Variants in SDK1 observed in about 807,000 individuals in gnomAD.
SDK1 encodes the protein protein sidekick-1.
A neutral mutation model predicts 245.5 loss-of-function variants in SDK1; 157 were observed. That is an observed-to-expected ratio of 0.64 (90% confidence interval 0.56 to 0.73). SDK1 has a LOEUF of 0.73. SDK1 is among the 30% of genes least tolerant of loss of function. The pLI is 0.00. For missense variants in SDK1, 3,583 were observed against 3,002.3 expected (o/e 1.19, Z -4.52); for synonymous variants, 1,647 against 1,278.5 (o/e 1.29, Z -6.15).
At chr7:3,679,954 A>C (rs2114982185) in intron 4 of SDK1, among the ~76,000 whole-genome samples, 1 of 152,334 alleles carries the variant, frequency 6.6e-6, no homozygotes, top group South Asian at 2.1e-4. Context: ...ATGCACACGC[A>C]AATGTTCACA....
intron 4 of SDK1, among the ~76,000 whole-genome samples, chr7:3,690,583 T>G (rs940354998): frequency 6.6e-6 from 1 of 152,130 alleles, no homozygotes; most frequent in South Asian, 2.1e-4. Flanking sequence ...CTCACTGATA[T>G]TGATTGAATT....
intron 1 of SDK1, among the ~76,000 whole-genome samples, chr7:3,415,588 A>G (rs1351521772): frequency 6.6e-6 from 1 of 151,972 alleles, no homozygotes; most frequent in Non-Finnish European, 1.5e-5. Flanking sequence ...GCCCATATAC[A>G]CACACAGAAG....
At chr7:4,151,032 G>T (rs561457014) in intron 30 of SDK1, among the ~76,000 whole-genome samples, 4 of 152,206 alleles carry the variant, frequency 2.6e-5, no homozygotes, top group Non-Finnish European at 5.9e-5. Flanking sequence ...AGGCTTGGAG[G>T]TGATAAGGCC....
intron 38 of SDK1, among the ~76,000 whole-genome samples, chr7:4,215,650 G>A (rs1784755028): frequency 6.6e-6 from 1 of 152,272 alleles, no homozygotes; most frequent in African/African-American, 2.4e-5. Flanking sequence ...CTGCCCCGCG[G>A]TACGGGAGCT....
intron 1 of SDK1, among the ~76,000 whole-genome samples, chr7:3,375,378 G>A (rs1781329143): frequency 6.6e-6 from 1 of 152,162 alleles, no homozygotes; most frequent in African/African-American, 2.4e-5. Flanking sequence ...TGTGTTCAAT[G>A]TATTTCATTT....
chr7:3,809,792 C>T (rs1389161693), intron 4 of SDK1, among the ~76,000 whole-genome samples: 1 of 152,192 alleles, frequency 6.6e-6, no homozygotes, highest in East Asian at 1.9e-4. Flanking sequence ...CCTGGTGCGC[C>T]TTTATCTGCA....
chr7:3,656,775 C>G (rs1364337967), intron 4 of SDK1, among the ~76,000 whole-genome samples: 2 of 145,818 alleles, frequency 1.4e-5, no homozygotes, highest in East Asian at 4.0e-4. Context: ...GAGTCTCGCT[C>G]TGTCGCCCAG....
Position 3,545,426 on chromosome 7 carries a change from G to C in SDK1, c.299-73654G>C, listed in dbSNP as rs73296236. ...ACTAATGTGCAGTCACTTCTAGCAT[G>C]ATGGGGATCGTGGTTTTCCTCATAG... On this transcript the variant is annotated intron_variant, in intron 1 of 44. Transcript: ENST00000404826. 8.5e-3 allele frequency among the ~76,000 whole-genome samples: 1,300 copies of C among 152,298 alleles called. 21 individuals carry two copies. The highest frequency in any genetic ancestry group is 0.029 in the African/African-American group (1,221 of 41,558).
intron 19 of SDK1, among the ~76,000 whole-genome samples, chr7:4,052,481 G>C (rs1342928951): frequency 6.6e-6 from 1 of 152,104 alleles, no homozygotes; most frequent in African/African-American, 2.4e-5. Context: ...AAAAAGTATA[G>C]AATGACAACA....
chr7:3,525,102 G>A (rs751095883), intron 1 of SDK1, among the ~76,000 whole-genome samples: 74 of 152,140 alleles, frequency 4.9e-4, no homozygotes, highest in Non-Finnish European at 3.4e-4. Flanking sequence ...ACCCAGTGAT[G>A]ATTGGAAGTG....
At chr7:3,847,000 C>T (rs1337480598) in intron 5 of SDK1, among the ~76,000 whole-genome samples, 1 of 152,164 alleles carries the variant, frequency 6.6e-6, no homozygotes, top group Non-Finnish European at 1.5e-5. Flanking sequence ...CCAGTGCCAC[C>T]CCAGTGTTCT....
intron 1 of SDK1, among the ~76,000 whole-genome samples, chr7:3,506,521 A>G (rs1204361632): frequency 6.6e-6 from 1 of 152,150 alleles, no homozygotes; most frequent in Non-Finnish European, 1.5e-5. Context: ...TGTATTTTCA[A>G]ATGCTTTACT....
chr7:3,506,155 C>G (rs1023864021), intron 1 of SDK1, among the ~76,000 whole-genome samples: 1 of 152,036 alleles, frequency 6.6e-6, no homozygotes, highest in African/African-American at 2.4e-5. Flanking sequence ...GCTTTTCTTG[C>G]AGTTCACATC....
intron 28 of SDK1, among the ~76,000 whole-genome samples, chr7:4,136,120 G>A (rs532034741): frequency 2.2e-4 from 34 of 152,280 alleles, no homozygotes; most frequent in South Asian, 4.1e-4. Context: ...CCCTCCAACC[G>A]TGCTGAACGC....
At chr7:4,176,153 T>C (rs1334336217) in intron 34 of SDK1, among the ~76,000 whole-genome samples, 1 of 152,044 alleles carries the variant, frequency 6.6e-6, no homozygotes, top group East Asian at 1.9e-4. Flanking sequence ...CTTTTTTCTT[T>C]TCTTTTCTTT....
chr7:3,858,791 A>C (rs1780611008), intron 5 of SDK1, among the ~76,000 whole-genome samples: 1 of 151,130 alleles, frequency 6.6e-6, no homozygotes, highest in South Asian at 2.1e-4. Context: ...AATGAGCAAT[A>C]GTGTTGTTTT....
chr7:3,849,322 T>C (rs528654380), intron 5 of SDK1, among the ~76,000 whole-genome samples: 56 of 152,296 alleles, frequency 3.7e-4, no homozygotes, highest in African/African-American at 1.3e-3. Flanking sequence ...CTGCCCTGCC[T>C]GCTGAGGTCT....
At chr7:3,952,660 G>A (rs1267463947) in intron 7 of SDK1, among the ~76,000 whole-genome samples, 2 of 151,760 alleles carry the variant, frequency 1.3e-5, no homozygotes, top group Non-Finnish European at 2.9e-5. Context: ...AGCAGAAAAT[G>A]TAAAACTATC....
chr7:3,910,210 G>A (rs1779117155), intron 5 of SDK1, among the ~76,000 whole-genome samples: 2 of 152,220 alleles, frequency 1.3e-5, no homozygotes, highest in Admixed American at 1.3e-4. Context: ...GTAGTGCACA[G>A]AGCCAAGCAG....
Sources: gnomAD v4.1 joint callset for allele counts (sites outside exome capture counted in the v4.1 genomes callset) on GRCh38, gnomAD v4.1.1 for gene constraint, MANE v1.5 for transcripts, NCBI Gene and HGNC (gene_info 2026-07-23, HGNC 2026-07-21) for gene names.